The following PTPRM variants were observed in gnomAD, a reference collection of about 807,000 sequenced individuals.
The protein encoded by PTPRM is protein tyrosine phosphatase receptor type M.
A neutral mutation model predicts 186.7 loss-of-function variants in PTPRM; 47 were observed. That is an observed-to-expected ratio of 0.25 (90% CI 0.20 to 0.32). PTPRM has a LOEUF of 0.32. Ranked by LOEUF, PTPRM falls within the 10% of genes least tolerant of loss-of-function variation. PTPRM has a pLI of 1.00. For missense variants in PTPRM, 1,494 were observed against 1,865.0 expected, an observed-to-expected ratio of 0.80 and a Z score of 3.66; for synonymous variants, 668 against 674.9, an observed-to-expected ratio of 0.99 and a Z score of 0.16.
chr18:7,634,326 G>A (rs16952255), intron 1 of PTPRM, among the ~76,000 whole-genome samples: 5,267 of 151,968 alleles, frequency 0.035, 333 homozygotes, highest in African/African-American at 0.12. Flanking sequence ...CAGACCTATA[G>A]AATGAAGTTC....
At chr18:8,092,999 A>T (rs557639425) in intron 11 of PTPRM, among the ~76,000 whole-genome samples, 23 of 152,038 alleles carry the variant, frequency 1.5e-4, no homozygotes, top group South Asian at 8.3e-4. Context: ...TACCAAAAAA[A>T]TTTTTTTTAA....
At chr18:7,821,515 G>C (rs1332634442) in intron 2 of PTPRM, among the ~76,000 whole-genome samples, 1 of 151,956 alleles carries the variant, frequency 6.6e-6, no homozygotes. Context: ...CCTAGTGGAT[G>C]CCTGAAACCA....
At chr18:7,944,633 T>C (rs2052397223) in intron 5 of PTPRM, among the ~76,000 whole-genome samples, 1 of 152,208 alleles carries the variant, frequency 6.6e-6, no homozygotes, top group Non-Finnish European at 1.5e-5. Context: ...ATACTTCCCT[T>C]AGAGTTCCCC....
chr18:8,044,590 C>G (rs971466794), intron 7 of PTPRM, among the ~76,000 whole-genome samples: 1 of 151,826 alleles, frequency 6.6e-6, no homozygotes, highest in African/African-American at 2.4e-5. Flanking sequence ...AACCCCATCT[C>G]TACTAAAAAT....
intron 5 of PTPRM, among the ~76,000 whole-genome samples, chr18:7,938,959 G>A (rs2051998040): frequency 6.6e-6 from 1 of 152,126 alleles, no homozygotes; most frequent in Admixed American, 6.5e-5. Flanking sequence ...AAATATTTGG[G>A]TTAACTTGGT....
chr18:8,395,625 C>A (rs2095841827), intron 32 of PTPRM, among the ~76,000 whole-genome samples: 1 of 152,144 alleles, frequency 6.6e-6, no homozygotes, highest in Admixed American at 6.5e-5. Context: ...AGAAGCATGG[C>A]TGTTGGTCAG....
intron 13 of PTPRM, among the ~76,000 whole-genome samples, chr18:8,132,208 C>G (rs1600738355): frequency 6.6e-6 from 1 of 152,162 alleles, no homozygotes; most frequent in Admixed American, 6.5e-5. Flanking sequence ...TACCTCTTCA[C>G]AGTAAACATG....
At chr18:7,876,369 TA>T (rs895276306) in intron 2 of PTPRM, among the ~76,000 whole-genome samples, 16 of 151,486 alleles carry the variant, frequency 1.1e-4, no homozygotes, top group East Asian at 5.8e-4. Flanking sequence ...TTAAAAACTT[TA>T]AAAAAAAACA....
chr18:7,758,961 A>ACT (rs149422400), intron 1 of PTPRM, among the ~76,000 whole-genome samples: 6,042 of 152,242 alleles, frequency 0.04, 390 homozygotes, highest in African/African-American at 0.13. Context: ...GGATGAAGTA[A>ACT]CTGTCGGAGG....
At chr18:7,600,295 C>A (rs554888185) in intron 1 of PTPRM, among the ~76,000 whole-genome samples, 1 of 152,316 alleles carries the variant, frequency 6.6e-6, no homozygotes, top group East Asian at 1.9e-4. Flanking sequence ...AGTTAGCATG[C>A]CTCGAAGGCC....
intron 1 of PTPRM, among the ~76,000 whole-genome samples, chr18:7,736,524 G>A (rs1454686638): frequency 6.6e-6 from 1 of 152,120 alleles, no homozygotes; most frequent in Non-Finnish European, 1.5e-5. Context: ...GCTTTATTCA[G>A]CTGGGAGCAT....
At chr18:8,160,741 C>G (rs945949434) in intron 14 of PTPRM, among the ~76,000 whole-genome samples, 1 of 152,232 alleles carries the variant, frequency 6.6e-6, no homozygotes, top group African/African-American at 2.4e-5. Flanking sequence ...CAGGACTTAG[C>G]ATTTCCAGGC....
chr18:7,579,105 G>A (rs775242093), intron 1 of PTPRM, among the ~76,000 whole-genome samples: 3 of 152,036 alleles, frequency 2.0e-5, no homozygotes, highest in Non-Finnish European at 4.4e-5. Context: ...TTATAAACAG[G>A]GCCAACATTA....
chr18:8,094,893 G>T (rs1422816313), intron 11 of PTPRM, among the ~76,000 whole-genome samples: 1 of 152,138 alleles, frequency 6.6e-6, no homozygotes, highest in African/African-American at 2.4e-5. Flanking sequence ...TTTGAAATTA[G>T]ATAAGCATAG....
intron 1 of PTPRM, among the ~76,000 whole-genome samples, chr18:7,757,763 A>G (rs8086809): frequency 0.21 from 31,699 of 152,124 alleles, 8,175 homozygotes; most frequent in African/African-American, 0.61. Flanking sequence ...TTGGGATGGT[A>G]GGTGAGAAGT....
At chr18:7,791,470 G>A (rs1204342398) in intron 2 of PTPRM, among the ~76,000 whole-genome samples, 1 of 152,106 alleles carries the variant, frequency 6.6e-6, no homozygotes, top group East Asian at 1.9e-4. Flanking sequence ...TAGACATCCT[G>A]GTTGAAAAGG....
At chr18:8,301,428 C>T (rs1189926165) in intron 20 of PTPRM, among the ~76,000 whole-genome samples, 1 of 152,178 alleles carries the variant, frequency 6.6e-6, no homozygotes, top group Non-Finnish European at 1.5e-5. Flanking sequence ...GCTTAAGGCA[C>T]ACACCAAATC....
At chr18:7,909,325 A>G (rs1055434662) in intron 4 of PTPRM, among the ~76,000 whole-genome samples, 3 of 152,214 alleles carry the variant, frequency 2.0e-5, no homozygotes, top group Non-Finnish European at 2.9e-5. Context: ...TACCTGTGCT[A>G]ATACCTAATT....
intron 2 of PTPRM, among the ~76,000 whole-genome samples, chr18:7,785,604 C>T (rs868757715): frequency 5.9e-5 from 9 of 152,226 alleles, no homozygotes; most frequent in Middle Eastern, 3.4e-3. Flanking sequence ...TGAGGTACAC[C>T]GACTTCGTGT....
Sources: gnomAD v4.1 joint callset for allele counts (sites outside exome capture counted in the v4.1 genomes callset) on GRCh38, gnomAD v4.1.1 for gene constraint, MANE v1.5 for transcripts, NCBI Gene and HGNC (gene_info 2026-07-23, HGNC 2026-07-21) for gene names.